Variants in SEMA3D observed in about 807,000 individuals in gnomAD.
The protein encoded by SEMA3D is semaphorin-3D.
SEMA3D carries 84 observed loss-of-function variants against 100.1 expected under a neutral mutation model. The observed-to-expected ratio is 0.84, with a 90% CI of 0.70 to 1.01. The LOEUF (loss-of-function observed/expected upper bound fraction) is 1.01. SEMA3D is among the 50% of genes least tolerant of loss of function. The pLI is 0.00. For missense variants in SEMA3D, 875 were observed against 934.1 expected, an observed-to-expected ratio of 0.94 and a Z score of 0.82; for synonymous variants, 312 against 320.7, an observed-to-expected ratio of 0.97 and a Z score of 0.29.
At chr7:85,009,273 T>A (rs1789887028) in intron 17 of SEMA3D, among the ~76,000 whole-genome samples, 1 of 151,744 alleles carries the variant, frequency 6.6e-6, no homozygotes, top group Non-Finnish European at 1.5e-5. Flanking sequence ...GCAAGATTGA[T>A]CTGTTTAATG....
the SEMA3D span, among the ~76,000 whole-genome samples, chr7:85,234,261 A>C: frequency 6.6e-6 from 1 of 152,216 alleles, no homozygotes; most frequent in Non-Finnish European, 1.5e-5. Flanking sequence ...TTATCTTTGT[A>C]GTGTCCCTGG....
chr7:85,209,698 C>A, the SEMA3D span, among the ~76,000 whole-genome samples: 1 of 152,040 alleles, frequency 6.6e-6, no homozygotes, highest in Non-Finnish European at 1.5e-5. Flanking sequence ...CCTGTAGAAA[C>A]TAGAAAACTC....
At chr7:85,171,035 T>A (rs935654945) in intron 1 of SEMA3D, among the ~76,000 whole-genome samples, 11 of 152,038 alleles carry the variant, frequency 7.2e-5, no homozygotes, top group Non-Finnish European at 1.5e-4. Context: ...CGGATACAGT[T>A]AAATAACTCC....
At chr7:85,027,978 A>G (rs565906920) in intron 12 of SEMA3D, 150 of 575,608 alleles carry the variant, frequency 2.6e-4, no homozygotes, top group African/African-American at 2.5e-3. Flanking sequence ...CAAACAATTG[A>G]TTAGTGATAC....
chr7:85,128,528 T>C (rs1415925777), intron 2 of SEMA3D, among the ~76,000 whole-genome samples: 3 of 152,122 alleles, frequency 2.0e-5, no homozygotes, highest in African/African-American at 7.2e-5. Flanking sequence ...CTTTTATTTT[T>C]TAGAAATGTC....
intron 3 of SEMA3D, among the ~76,000 whole-genome samples, chr7:85,105,227 G>A (rs1331161561): frequency 6.6e-6 from 1 of 151,978 alleles, no homozygotes; most frequent in Non-Finnish European, 1.5e-5. Context: ...TAAAGTTCCA[G>A]GGCTTTTTAT....
chr7:85,118,493 T>C, intron 3 of SEMA3D, among the ~76,000 whole-genome samples: 1 of 148,558 alleles, frequency 6.7e-6, no homozygotes, highest in South Asian at 2.1e-4. Context: ...ATTGTTGAGA[T>C]TTTTTTCTGG....
chr7:85,165,199 A>G (rs546716813), intron 1 of SEMA3D, among the ~76,000 whole-genome samples: 67 of 126,056 alleles, frequency 5.3e-4, no homozygotes, highest in African/African-American at 1.8e-3. Context: ...CATGTACCCT[A>G]AAACTTAAAG....
At chr7:85,141,662 T>C (rs1790055317) in intron 2 of SEMA3D, 2 of 983,322 alleles carry the variant, frequency 2.0e-6, no homozygotes, top group South Asian at 4.7e-5. Flanking sequence ...AATAAGAACA[T>C]GTTCCTTTTG....
chr7:85,028,881 G>T, intron 12 of SEMA3D: 1 of 244,294 alleles, frequency 4.1e-6, no homozygotes, highest in Non-Finnish European at 8.3e-6. Context: ...GCTTCTCCAA[G>T]GCATCTTCAA....
chr7:85,042,189 T>C lies in SEMA3D; in HGVS notation c.958A>G (p.Thr320Ala), dbSNP rs750088145. ...CSIPGSDGAD[T>A]YFDELQDIYL... ...AACTTACGAAGCTCATCAAAGTAAG[T>C]ATCTGCCCCATCACTTCCAGGAATT... The change falls in exon 10 of 19, where the codon ACT (threonine) becomes GCT (alanine). Residue 320 changes from threonine (T) to alanine (A), a missense_variant. Physicochemically the swap from Thr to Ala is moderately conservative, Grantham distance 58 (BLOSUM62 0). Transcript: ENST00000284136. 2 of 1,612,026 alleles carry C rather than the reference T, an allele frequency of 1.2e-6. No individual in the cohort carries two copies. The highest frequency in any genetic ancestry group is 2.7e-5 in the African/African-American group (2 of 74,966).
chr7:85,142,674 A>C, intron 2 of SEMA3D: 1 of 908,726 alleles, frequency 1.1e-6, no homozygotes, highest in Non-Finnish European at 1.3e-6. Flanking sequence ...GAAGGATGGC[A>C]TTTTTTTTTT....
the SEMA3D span, among the ~76,000 whole-genome samples, chr7:85,245,050 AG>A: frequency 6.6e-6 from 1 of 152,164 alleles, no homozygotes; most frequent in Non-Finnish European, 1.5e-5. Context: ...TGAAGTGACA[AG>A]TCCTTTCTTT....
rs926936059 is a variant in SEMA3D, at chr7:85,142,700, TA to T, written c.-41+10907del. 29 of 958,188 alleles carry T rather than the reference TA, an allele frequency of 3.0e-5. No individual in the cohort carries two copies. The Admixed American group carries it at 1.0e-3, about 34-fold the overall frequency. The allele number at this position is 958,188 out of a possible 1,614,324, so 59.4% of individuals were successfully genotyped here. ...TTTTTTTTTTTTTTTTTTTAGTGTC[TA>T]AAAACCCCATCAATGTTTTCTTTAA... On this transcript the variant is annotated intron_variant, in intron 2 of 18. Coordinates refer to ENST00000284136, the MANE Select transcript of SEMA3D (RefSeq NM_001384900.1).
intron 1 of SEMA3D, among the ~76,000 whole-genome samples, chr7:85,166,725 A>ATCTC (rs1790917511): frequency 1.3e-5 from 2 of 151,950 alleles, no homozygotes; most frequent in Admixed American, 1.3e-4. Context: ...TGCATTAGAG[A>ATCTC]TGACTGATGT....
chr7:85,019,625 A>G (rs1584528161), intron 14 of SEMA3D, among the ~76,000 whole-genome samples: 1 of 151,918 alleles, frequency 6.6e-6, no homozygotes, highest in Non-Finnish European at 1.5e-5. Context: ...CAAATGTTAC[A>G]ATCAGCAAAT....
At chr7:85,162,698 G>C (rs1290498041) in intron 1 of SEMA3D, among the ~76,000 whole-genome samples, 1 of 152,086 alleles carries the variant, frequency 6.6e-6, no homozygotes, top group African/African-American at 2.4e-5. Flanking sequence ...AGGAAAACCT[G>C]AGGAAGAACG....
chr7:85,159,027 C>A (rs1355457499), intron 1 of SEMA3D, among the ~76,000 whole-genome samples: 1 of 152,164 alleles, frequency 6.6e-6, no homozygotes, highest in Non-Finnish European at 1.5e-5. Flanking sequence ...ACATCACTCT[C>A]TTTACCATCA....
At chr7:85,063,749 T>G (rs778045318) in intron 8 of SEMA3D, among the ~76,000 whole-genome samples, 1 of 152,160 alleles carries the variant, frequency 6.6e-6, no homozygotes, top group Non-Finnish European at 1.5e-5. Context: ...TAAGTTACCT[T>G]TAGAAAAACA....
Sources: allele counts gnomAD v4.1 joint callset (sites outside exome capture counted in the v4.1 genomes callset), GRCh38; gene constraint gnomAD v4.1.1; transcripts MANE v1.5; gene names NCBI Gene and HGNC (gene_info 2026-07-23, HGNC 2026-07-21).